The following SYT14 variants were observed in gnomAD, a reference collection of about 807,000 sequenced individuals.
SYT14 encodes synaptotagmin-14.
Under a neutral mutation model 74.2 loss-of-function variants are expected in SYT14, and 32 were observed. The ratio of observed to expected loss-of-function variants is 0.43; its 90% CI spans 0.33 to 0.58. The LOEUF is 0.58. Among genes scored for constraint, SYT14 ranks in the 20% least tolerant of loss-of-function variants. The pLI is 0.05. For missense variants in SYT14, 791 were observed against 981.8 expected (o/e 0.81, Z 2.60); for synonymous variants, 298 against 337.7 (o/e 0.88, Z 1.29).
intron 5 of SYT14, among the ~76,000 whole-genome samples, chr1:210,072,540 T>C (rs1226163721): frequency 1.3e-5 from 2 of 152,036 alleles, no homozygotes; most frequent in Non-Finnish European, 2.9e-5. Context: ...TTCTGAATAC[T>C]CATAGTAGTG....
chr1:209,952,991 A>G, intron 2 of SYT14: 1 of 1,408,896 alleles, frequency 7.1e-7, no homozygotes, highest in Admixed American at 2.1e-5. Context: ...GGTTTCTAGC[A>G]TATTGGTTGT....
intron 2 of SYT14, among the ~76,000 whole-genome samples, chr1:210,004,065 A>C (rs1295142056): frequency 6.6e-6 from 1 of 152,076 alleles, no homozygotes; most frequent in Non-Finnish European, 1.5e-5. Context: ...AGTTTTCACC[A>C]GTTAGAAACA....
At chr1:210,170,483 T>TA (rs534893026) in exon 10 of SYT14, 143 of 152,208 alleles carry the variant, frequency 9.4e-4, no homozygotes, top group African/African-American at 3.2e-3. Context: ...GAAAACAGTG[T>TA]AAAAAAAGTT....
intron 7 of SYT14, among the ~76,000 whole-genome samples, chr1:210,115,508 T>G (rs2082342295): frequency 6.6e-6 from 1 of 151,310 alleles, no homozygotes; most frequent in Non-Finnish European, 1.5e-5. Context: ...AAGACTGTCT[T>G]CCAGAGTCCG....
chr1:210,098,282 C>G (rs545838797), intron 6 of SYT14, among the ~76,000 whole-genome samples: 1 of 152,066 alleles, frequency 6.6e-6, no homozygotes, highest in Admixed American at 6.5e-5. Context: ...ACAGTAGTTA[C>G]GGTACATGTT....
chr1:209,965,867 T>G (rs2079148754), intron 2 of SYT14: 1 of 453,128 alleles, frequency 2.2e-6, no homozygotes, highest in Non-Finnish European at 4.4e-6. Context: ...ATCGGTTTAT[T>G]TTTGAACTTC....
At chr1:209,985,701 A>G (rs1242615943) in intron 2 of SYT14, among the ~76,000 whole-genome samples, 1 of 152,228 alleles carries the variant, frequency 6.6e-6, no homozygotes, top group East Asian at 1.9e-4. Flanking sequence ...TAATCCCTGC[A>G]GCAATCTTCT....
chr1:210,161,267 C>T (rs2083368195), exon 10 of SYT14: 2 of 652,700 alleles, frequency 3.1e-6, no homozygotes, highest in Non-Finnish European at 5.6e-6. Context: ...CGTACACTAT[C>T]ATTGCTAAAC....
At chr1:210,075,111 GCT>G (rs1189635150) in intron 5 of SYT14, among the ~76,000 whole-genome samples, 1 of 152,146 alleles carries the variant, frequency 6.6e-6, no homozygotes, top group African/African-American at 2.4e-5. Context: ...AGCGGCCCGG[GCT>G]CTCCTCTGAC....
intron 7 of SYT14, among the ~76,000 whole-genome samples, chr1:210,108,681 A>C (rs1464532661): frequency 6.6e-6 from 1 of 152,158 alleles, no homozygotes; most frequent in Non-Finnish European, 1.5e-5. Context: ...TGTGTTTGGG[A>C]TATAAACAGA....
chr1:209,939,848 C>A (rs1320856806), intron 1 of SYT14, among the ~76,000 whole-genome samples: 1 of 152,208 alleles, frequency 6.6e-6, no homozygotes, highest in East Asian at 1.9e-4. Flanking sequence ...TTCTTAAAAT[C>A]TTTTCAGTTT....
At chr1:210,124,120 C>A (rs957574757) in intron 7 of SYT14, among the ~76,000 whole-genome samples, 2 of 152,028 alleles carry the variant, frequency 1.3e-5, no homozygotes, top group African/African-American at 4.8e-5. Context: ...TCTATGGCTG[C>A]TTTCATGCTA....
chr1:209,966,017 C>T (rs1057397238), intron 2 of SYT14: 12 of 433,720 alleles, frequency 2.8e-5, no homozygotes, highest in Middle Eastern at 6.2e-4. Context: ...ACTACAGGTG[C>T]GTGCCCACCA....
At chr1:210,097,539 C>T (rs2081988497) in intron 6 of SYT14, among the ~76,000 whole-genome samples, 2 of 151,400 alleles carry the variant, frequency 1.3e-5, no homozygotes, top group African/African-American at 4.9e-5. Context: ...ACAATCAGGG[C>T]GGCACCAAGA....
intron 5 of SYT14, among the ~76,000 whole-genome samples, chr1:210,064,412 T>C (rs2102420562): frequency 6.6e-6 from 1 of 152,078 alleles, no homozygotes; most frequent in East Asian, 1.9e-4. Flanking sequence ...CTCTGCCTAT[T>C]AAAAAATAAC....
At chr1:210,144,844 C>A (rs979317098) in intron 7 of SYT14, among the ~76,000 whole-genome samples, 1 of 152,134 alleles carries the variant, frequency 6.6e-6, no homozygotes, top group Non-Finnish European at 1.5e-5. Context: ...CTGATTCTAA[C>A]ACTCTATATG....
chr1:210,148,814 A>G (rs1400986709), intron 7 of SYT14, among the ~76,000 whole-genome samples: 2 of 152,160 alleles, frequency 1.3e-5, no homozygotes, highest in Non-Finnish European at 2.9e-5. Context: ...ATTTCAGAGA[A>G]TGAAAAGGAA....
rs71146203 is a variant in SYT14, at chr1:210,000,613, C to CTTTTTTTTTTTTTTTTTTTTTTTT, written c.-485-13001_-485-13000insTTTTTTTTTTTTTTTTTTTTTTTT. ...TTTCATTAGGGCTGTTTTATGCCTT[C>CTTTTTTTTTTTTTTTTTTTTTTTT]TTTTTTTTTTTTTTTTTTTGAGATA... is the stretch of plus-strand genomic sequence containing the variant. On this transcript the variant is annotated intron_variant, in intron 2 of 9. Coordinates refer to ENST00000637265, the Ensembl canonical transcript of SYT14. Among the ~76,000 whole-genome samples, 63 of 105,408 alleles carry CTTTTTTTTTTTTTTTTTTTTTTTT rather than the reference C, an allele frequency of 6.0e-4. 6 individuals are homozygous for CTTTTTTTTTTTTTTTTTTTTTTTT. The highest frequency in any genetic ancestry group is 5.2e-3 in the Admixed American group (41 of 7,874). 69.2% of individuals were successfully genotyped at this position (105,408 alleles called of 152,430 possible). A position where few individuals can be genotyped will look rare whatever the true frequency, so the allele number is the denominator to read the frequency against.
chr1:210,041,448 A>G (rs2080786742), intron 5 of SYT14, among the ~76,000 whole-genome samples: 1 of 152,312 alleles, frequency 6.6e-6, no homozygotes, highest in Admixed American at 6.5e-5. Flanking sequence ...TAAATAGGTG[A>G]AGCCCTATAA....
Sources: allele counts gnomAD v4.1 joint callset (sites outside exome capture counted in the v4.1 genomes callset), GRCh38; gene constraint gnomAD v4.1.1; transcripts MANE v1.5; gene names NCBI Gene and HGNC (gene_info 2026-07-23, HGNC 2026-07-21).